The following KSR2 variants were observed in gnomAD, a reference collection of about 807,000 sequenced individuals.
KSR2 encodes kinase suppressor of ras 2.
Under a neutral mutation model 107.8 loss-of-function variants are expected in KSR2, and 25 were observed. The ratio of observed to expected loss-of-function variants is 0.23; its 90% CI spans 0.17 to 0.32. KSR2 has a LOEUF of 0.32. KSR2 is among the 10% of genes least tolerant of loss of function. The pLI, the probability that KSR2 is intolerant of heterozygous loss-of-function variation, is 1.00. For missense variants in KSR2, 887 were observed against 1,268.9 expected (o/e 0.70, Z 4.57); for synonymous variants, 480 against 507.0 (o/e 0.95, Z 0.71).
chr12:117,953,783 T>C (rs923395421), intron 1 of KSR2, among the ~76,000 whole-genome samples: 1 of 152,186 alleles, frequency 6.6e-6, no homozygotes, highest in African/African-American at 2.4e-5. Context: ...CAATGAATTA[T>C]ACACTTAAAA....
At position 117,480,022 on chromosome 12, in the gene KSR2, A is replaced by ATGTGTGTGTGTGTG. The variant is rs752171470; in HGVS notation, c.2451-3428_2451-3427insCACACACACACACA. Among the ~76,000 whole-genome samples the ATGTGTGTGTGTGTG allele has an allele frequency of 2.8e-5, 4 of 142,072 alleles. No individual in the cohort carries two copies. The East Asian group carries it at 8.1e-4, about 29-fold the overall frequency. 93.2% of individuals were successfully genotyped at this position (142,072 alleles called of 152,430 possible). On this transcript the variant is annotated intron_variant, in intron 16 of 19. Transcript: ENST00000339824. ...CAATTACTGGACATAATCATTACAC[A>ATGTGTGTGTGTGTG]TGTGTATGTGTGTGTGTGTGTGTGT...
chr12:117,622,346 A>G (rs1055010566), intron 5 of KSR2, among the ~76,000 whole-genome samples: 2 of 152,134 alleles, frequency 1.3e-5, no homozygotes, highest in Non-Finnish European at 2.9e-5. Flanking sequence ...ATTTACAATC[A>G]GCCTTCACAG....
At chr12:117,785,345 G>A (rs914699521) in intron 3 of KSR2, among the ~76,000 whole-genome samples, 1 of 142,652 alleles carries the variant, frequency 7.0e-6, no homozygotes, top group Non-Finnish European at 1.5e-5. Context: ...AACCCGGGAG[G>A]TGAAGGTTGC....
intron 9 of KSR2, among the ~76,000 whole-genome samples, chr12:117,551,392 T>C (rs889175006): frequency 2.6e-5 from 4 of 152,174 alleles, no homozygotes; most frequent in Admixed American, 2.0e-4. Context: ...TTGACTAAAA[T>C]CCTTTATACA....
At chr12:117,634,815 A>C in intron 5 of KSR2, among the ~76,000 whole-genome samples, 1 of 152,206 alleles carries the variant, frequency 6.6e-6, no homozygotes, top group East Asian at 1.9e-4. Flanking sequence ...GAGACAAATC[A>C]TATTCATCTT....
intron 4 of KSR2, among the ~76,000 whole-genome samples, chr12:117,707,669 G>A (rs958311116): frequency 6.6e-6 from 1 of 152,176 alleles, no homozygotes; most frequent in Non-Finnish European, 1.5e-5. Context: ...TGAGCCAGGC[G>A]CACACTCCGG....
At chr12:117,927,285 A>G (rs1895549557) in intron 1 of KSR2, among the ~76,000 whole-genome samples, 1 of 152,020 alleles carries the variant, frequency 6.6e-6, no homozygotes, top group Non-Finnish European at 1.5e-5. Flanking sequence ...CTGAGGCAGG[A>G]GAATCACTTG....
intron 5 of KSR2, among the ~76,000 whole-genome samples, chr12:117,594,826 A>AT (rs1324604361): frequency 6.6e-6 from 1 of 152,046 alleles, no homozygotes; most frequent in African/African-American, 2.4e-5. Flanking sequence ...GTGTGCAGAC[A>AT]TTTTTCGTTG....
intron 1 of KSR2, among the ~76,000 whole-genome samples, chr12:117,861,479 C>T (rs184771682): frequency 6.4e-4 from 95 of 148,080 alleles, no homozygotes; most frequent in Admixed American, 1.9e-3. Flanking sequence ...AGCTCCGCCT[C>T]CCGGGTTCAC....
At chr12:117,921,264 A>G (rs917438330) in intron 1 of KSR2, among the ~76,000 whole-genome samples, 2 of 152,330 alleles carry the variant, frequency 1.3e-5, no homozygotes, top group Admixed American at 1.3e-4. Context: ...TAAATATTAA[A>G]TGACTGACAT....
At chr12:117,711,464 A>T (rs954518985) in intron 4 of KSR2, among the ~76,000 whole-genome samples, 3 of 152,258 alleles carry the variant, frequency 2.0e-5, no homozygotes, top group Non-Finnish European at 4.4e-5. Flanking sequence ...AGGCAATCAC[A>T]GTTGGAGGGA....
chr12:117,924,162 G>A (rs1169315399), intron 1 of KSR2, among the ~76,000 whole-genome samples: 1 of 151,826 alleles, frequency 6.6e-6, no homozygotes, highest in African/African-American at 2.4e-5. Flanking sequence ...ACAGGCGTGA[G>A]CCACTGCGCC....
At chr12:117,867,418 G>A (rs760996375) in intron 1 of KSR2, among the ~76,000 whole-genome samples, 2 of 152,124 alleles carry the variant, frequency 1.3e-5, no homozygotes, top group Non-Finnish European at 2.9e-5. Context: ...CCTGAGGAAG[G>A]CTATAAAAAT....
intron 4 of KSR2, among the ~76,000 whole-genome samples, chr12:117,679,684 T>C (rs146478858): frequency 9.1e-4 from 138 of 152,232 alleles, no homozygotes; most frequent in African/African-American, 3.1e-3. Context: ...TTTTAGCCCA[T>C]CTGGGTGTGT....
rs1040417400 is a variant in KSR2, at chr12:117,464,105, C to T, written c.*3094G>A. ...GGGGATGGGGACACAAGGGGCACGT[C>T]CTCCCACAGGGGGCCAAGAAGGAAG... On this transcript the variant is annotated 3_prime_UTR_variant, in exon 20 of 20. Coordinates refer to ENST00000339824, the MANE Select transcript of KSR2 (RefSeq NM_173598.6). 6.6e-6 allele frequency: 1 copy of T among 152,170 alleles called. No homozygotes were observed. Among genetic ancestry groups the T allele is most frequent in the African/African-American group, 2.4e-5 (1 of 41,438 alleles). 9.4% of individuals were successfully genotyped at this position (152,170 alleles called of 1,614,324 possible).
intron 5 of KSR2, among the ~76,000 whole-genome samples, chr12:117,641,743 C>T (rs1003860387): frequency 7.9e-5 from 12 of 152,266 alleles, no homozygotes; most frequent in African/African-American, 2.9e-4. Flanking sequence ...CCATAGCAGA[C>T]TTACCTGTCA....
At chr12:117,773,194 AG>A (rs1223654250) in intron 3 of KSR2, among the ~76,000 whole-genome samples, 2 of 152,188 alleles carry the variant, frequency 1.3e-5, no homozygotes, top group African/African-American at 4.8e-5. Flanking sequence ...GTGTGGTAGC[AG>A]GGGGCTCTGG....
chr12:117,834,391 T>C (rs1017435054), intron 3 of KSR2, among the ~76,000 whole-genome samples: 1 of 132,612 alleles, frequency 7.5e-6, no homozygotes, highest in African/African-American at 2.9e-5. Flanking sequence ...ACTGAAAGTT[T>C]GCAGGCAGCT....
At chr12:117,473,937 CT>C (rs1318350995) in intron 17 of KSR2, among the ~76,000 whole-genome samples, 1 of 152,136 alleles carries the variant, frequency 6.6e-6, no homozygotes, top group African/African-American at 2.4e-5. Flanking sequence ...TCCAAGGGTG[CT>C]TGTAAAAATT....
Sources: allele counts gnomAD v4.1 joint callset (sites outside exome capture counted in the v4.1 genomes callset), GRCh38; gene constraint gnomAD v4.1.1; transcripts MANE v1.5; gene names NCBI Gene and HGNC (gene_info 2026-07-23, HGNC 2026-07-21).